NYAP2: variants seen among roughly 807,000 people sequenced by gnomAD.
NYAP2 encodes neuronal tyrosine-phosphorylated phosphoinositide-3-kinase adapter 2.
In NYAP2, 23 loss-of-function variants were observed where a neutral mutation model predicts 50.4. That is an observed-to-expected ratio of 0.46 (90% CI 0.33 to 0.65). NYAP2 has a LOEUF of 0.65. NYAP2 is among the 30% of genes least tolerant of loss of function. The pLI is 0.02. For missense variants in NYAP2, 885 were observed against 861.0 expected (o/e 1.03, Z -0.35); for synonymous variants, 394 against 365.2 (o/e 1.08, Z -0.90).
the NYAP2 span, among the ~76,000 whole-genome samples, chr2:225,668,956 C>CTTTTTTTT: frequency 5.8e-5 from 4 of 69,524 alleles, no homozygotes; most frequent in East Asian, 5.3e-4. Flanking sequence ...GTGTCCCCTG[C>CTTTTTTTT]TTTTTTTTTT....
At chr2:225,590,330 C>T (rs928764589) in intron 5 of NYAP2, among the ~76,000 whole-genome samples, 9 of 152,250 alleles carry the variant, frequency 5.9e-5, no homozygotes, top group East Asian at 3.9e-4. Context: ...CTTGGGGATG[C>T]GCTCAGCCTC....
intron 3 of NYAP2, among the ~76,000 whole-genome samples, chr2:225,506,061 A>G (rs6436560): frequency 0.32 from 47,477 of 147,578 alleles, 7,511 homozygotes; most frequent in South Asian, 0.48. Context: ...GAGAGAGAGA[A>G]AAAAAAAAGA....
intron 3 of NYAP2, among the ~76,000 whole-genome samples, chr2:225,503,649 A>G (rs1025210048): frequency 2.0e-5 from 3 of 152,212 alleles, no homozygotes; most frequent in Non-Finnish European, 4.4e-5. Flanking sequence ...ATTAATGGGC[A>G]GCAATATTAA....
At chr2:225,510,097 G>A (rs1406235464) in intron 3 of NYAP2, among the ~76,000 whole-genome samples, 1 of 152,158 alleles carries the variant, frequency 6.6e-6, no homozygotes, top group Non-Finnish European at 1.5e-5. Flanking sequence ...ACATCCTGGG[G>A]TGAAGAATAT....
chr2:225,633,608 A>G (rs964758930), intron 6 of NYAP2, among the ~76,000 whole-genome samples: 5 of 152,202 alleles, frequency 3.3e-5, no homozygotes, highest in African/African-American at 1.2e-4. Flanking sequence ...AGCATTGCTA[A>G]GGAGAAATAT....
intron 3 of NYAP2, among the ~76,000 whole-genome samples, chr2:225,463,505 G>C (rs1689867489): frequency 6.6e-6 from 1 of 152,234 alleles, no homozygotes; most frequent in African/African-American, 2.4e-5. Context: ...TTGTAATAGT[G>C]AATACTTCAG....
At chr2:225,476,404 C>G (rs1690108358) in intron 3 of NYAP2, among the ~76,000 whole-genome samples, 2 of 145,310 alleles carry the variant, frequency 1.4e-5, no homozygotes, top group African/African-American at 2.6e-5. Context: ...CAGAGCGGGA[C>G]TCTGTCTCAA....
At chr2:225,593,447 C>G (rs185408635) in intron 5 of NYAP2, among the ~76,000 whole-genome samples, 1 of 152,314 alleles carries the variant, frequency 6.6e-6, no homozygotes, top group Non-Finnish European at 1.5e-5. Flanking sequence ...GTTGTTCTCC[C>G]TTGCTGAAAG....
intron 3 of NYAP2, among the ~76,000 whole-genome samples, chr2:225,427,073 A>G (rs555032693): frequency 6.6e-6 from 1 of 152,352 alleles, no homozygotes; most frequent in South Asian, 2.1e-4. Context: ...AATCAAACCT[A>G]GAATCTTTGT....
chr2:225,601,376 G>A (rs552837481), intron 5 of NYAP2, among the ~76,000 whole-genome samples: 4 of 152,046 alleles, frequency 2.6e-5, no homozygotes, highest in African/African-American at 7.2e-5. Flanking sequence ...TCTTGACCTC[G>A]TGATCCATCC....
intron 3 of NYAP2, among the ~76,000 whole-genome samples, chr2:225,505,378 G>A (rs1690686372): frequency 1.3e-5 from 2 of 152,222 alleles, no homozygotes; most frequent in African/African-American, 2.4e-5. Context: ...GAATGAGCAT[G>A]TGTGGCTCAG....
chr2:225,489,931 G>C (rs1265363405), intron 3 of NYAP2, among the ~76,000 whole-genome samples: 1 of 152,210 alleles, frequency 6.6e-6, no homozygotes. Flanking sequence ...GAACTGCTGA[G>C]TTACAAGCTC....
chr2:225,609,552 T>C (rs562113484), intron 5 of NYAP2, among the ~76,000 whole-genome samples: 32 of 152,138 alleles, frequency 2.1e-4, no homozygotes, highest in Admixed American at 1.8e-3. Context: ...CCAAGCTGCA[T>C]ATGGAGAAGT....
At chr2:225,567,253 A>G (rs1478346142) in intron 4 of NYAP2, among the ~76,000 whole-genome samples, 1 of 152,186 alleles carries the variant, frequency 6.6e-6, no homozygotes, top group Non-Finnish European at 1.5e-5. Flanking sequence ...CCACAGTTGT[A>G]TATGGGATCC....
At chr2:225,462,895 C>T (rs1029931166) in intron 3 of NYAP2, among the ~76,000 whole-genome samples, 1 of 152,084 alleles carries the variant, frequency 6.6e-6, no homozygotes, top group South Asian at 2.1e-4. Flanking sequence ...TAATCTTAGC[C>T]GTGTCAATAT....
the NYAP2 span, among the ~76,000 whole-genome samples, chr2:225,686,865 A>G: frequency 6.6e-6 from 1 of 152,182 alleles, no homozygotes; most frequent in African/African-American, 2.4e-5. Flanking sequence ...ACAATGACAA[A>G]TAGAAAGGTC....
At chr2:225,559,462 G>A (rs185953084) in intron 4 of NYAP2, among the ~76,000 whole-genome samples, 168 of 152,128 alleles carry the variant, frequency 1.1e-3, no homozygotes, top group African/African-American at 3.8e-3. Flanking sequence ...TGCCTGAAGT[G>A]GCTTACTGGA....
chr2:225,641,629 A>G (rs1693536490), intron 6 of NYAP2, among the ~76,000 whole-genome samples: 1 of 152,136 alleles, frequency 6.6e-6, no homozygotes, highest in Non-Finnish European at 1.5e-5. Context: ...CCTGGCCAAC[A>G]TGGTAAAACC....
At chr2:225,603,998 TATATC>T (rs1692742378) in intron 5 of NYAP2, among the ~76,000 whole-genome samples, 1 of 152,142 alleles carries the variant, frequency 6.6e-6, no homozygotes, top group African/African-American at 2.4e-5. Context: ...AGCAATAAAA[TATATC>T]AGTAACATCA....
Sources: allele counts gnomAD v4.1 joint callset (sites outside exome capture counted in the v4.1 genomes callset), GRCh38; gene constraint gnomAD v4.1.1; transcripts MANE v1.5; gene names NCBI Gene and HGNC (gene_info 2026-07-23, HGNC 2026-07-21).